EPHA6: variants seen among roughly 807,000 people sequenced by gnomAD.
EPHA6 encodes the protein EPH receptor A6.
A neutral mutation model predicts 112.0 loss-of-function variants in EPHA6; 50 were observed. The observed-to-expected ratio is 0.45, with a 90% CI of 0.36 to 0.56. The LOEUF (loss-of-function observed/expected upper bound fraction) is 0.56. Ranked by LOEUF, EPHA6 falls within the 20% of genes least tolerant of loss-of-function variation. EPHA6 has a pLI of 0.00. For synonymous variants in EPHA6, 529 were observed against 490.7 expected (o/e 1.08, Z -1.03); for missense variants, 1,280 against 1,417.4 (o/e 0.90, Z 1.56).
chr3:97,666,424 C>T (rs2030114511), intron 14 of EPHA6, among the ~76,000 whole-genome samples: 1 of 152,156 alleles, frequency 6.6e-6, no homozygotes, highest in Non-Finnish European at 1.5e-5. Flanking sequence ...CCTCTACAGG[C>T]TTGGTTTCTT....
At chr3:97,117,316 AT>A (rs1484419123) in intron 3 of EPHA6, among the ~76,000 whole-genome samples, 1 of 151,474 alleles carries the variant, frequency 6.6e-6, no homozygotes, top group Non-Finnish European at 1.5e-5. Flanking sequence ...AGTGTGTAAG[AT>A]TATTAGTATG....
At chr3:97,699,808 A>G (rs911430746) in intron 14 of EPHA6, among the ~76,000 whole-genome samples, 4 of 152,264 alleles carry the variant, frequency 2.6e-5, no homozygotes, top group Admixed American at 2.6e-4. Flanking sequence ...ACCATTTTCT[A>G]TAACACATGT....
At chr3:97,015,730 G>A (rs980187981) in intron 3 of EPHA6, among the ~76,000 whole-genome samples, 2 of 152,124 alleles carry the variant, frequency 1.3e-5, no homozygotes, top group African/African-American at 4.8e-5. Context: ...ACTGGAGAGC[G>A]TGATTCCACA....
At chr3:97,036,169 G>C (rs531019011) in intron 3 of EPHA6, among the ~76,000 whole-genome samples, 13 of 151,926 alleles carry the variant, frequency 8.6e-5, no homozygotes, top group Non-Finnish European at 1.9e-4. Flanking sequence ...CCCAGCCTAT[G>C]ATATTTTTAT....
chr3:97,277,399 C>T (rs539486097), intron 5 of EPHA6, among the ~76,000 whole-genome samples: 21 of 152,152 alleles, frequency 1.4e-4, no homozygotes, highest in South Asian at 4.1e-4. Flanking sequence ...AAAGGAATTT[C>T]GCAAGGTAAT....
chr3:97,151,258 C>T (rs1216493163), intron 3 of EPHA6, among the ~76,000 whole-genome samples: 1 of 152,052 alleles, frequency 6.6e-6, no homozygotes, highest in East Asian at 1.9e-4. Context: ...TGTAGTTTTT[C>T]CTTTTTAACT....
chr3:97,071,566 A>G (rs1045884481), intron 3 of EPHA6, among the ~76,000 whole-genome samples: 9 of 152,058 alleles, frequency 5.9e-5, no homozygotes, highest in African/African-American at 1.9e-4. Flanking sequence ...AACCCAGCAG[A>G]TCTTATGAGA....
chr3:96,901,535 A>T (rs2038613068), intron 2 of EPHA6, among the ~76,000 whole-genome samples: 1 of 152,130 alleles, frequency 6.6e-6, no homozygotes, highest in Non-Finnish European at 1.5e-5. Context: ...AAGGGACAGA[A>T]TTATTAAAAT....
At chr3:97,638,434 A>G (rs952621125) in intron 14 of EPHA6, among the ~76,000 whole-genome samples, 1 of 152,146 alleles carries the variant, frequency 6.6e-6, no homozygotes, top group Non-Finnish European at 1.5e-5. Context: ...TAAATGGTAG[A>G]ATTAATTACT....
intron 3 of EPHA6, among the ~76,000 whole-genome samples, chr3:97,188,431 A>G (rs1385486414): frequency 6.6e-6 from 1 of 152,074 alleles, no homozygotes; most frequent in African/African-American, 2.4e-5. Flanking sequence ...ATTGCAAAAG[A>G]TATAATAACA....
rs1431960409 is a variant in EPHA6 at position 97,299,669 on chromosome 3, A to T, written c.1606+55382A>T. 2.0e-5 allele frequency among the ~76,000 whole-genome samples: 3 copies of T among 152,290 alleles called. No individual in the cohort carries two copies. The East Asian group carries it at 5.8e-4, about 29-fold the overall frequency. Reference sequence around the variant, plus strand: ...CCATGATGTAGAATATATTTGTAAGATTTGATGATTTTGCTACAAAATTAT... The same window carrying T: ...CCATGATGTAGAATATATTTGTAAGTTTTGATGATTTTGCTACAAAATTAT... On this transcript the variant is annotated intron_variant, in intron 5 of 17. Transcript: ENST00000389672.
intron 13 of EPHA6, among the ~76,000 whole-genome samples, chr3:97,632,043 T>A (rs533018065): frequency 6.6e-6 from 1 of 152,104 alleles, no homozygotes; most frequent in South Asian, 2.1e-4. Flanking sequence ...AATATAAAAA[T>A]TTTGTAGTAG....
chr3:96,940,269 A>G (rs540008177), intron 2 of EPHA6, among the ~76,000 whole-genome samples: 1 of 151,804 alleles, frequency 6.6e-6, no homozygotes, highest in East Asian at 1.9e-4. Context: ...GACTTGCTTT[A>G]TGAATCTGGG....
At chr3:97,487,869 G>A (rs1203563219) in intron 10 of EPHA6, among the ~76,000 whole-genome samples, 1 of 152,164 alleles carries the variant, frequency 6.6e-6, no homozygotes, top group Non-Finnish European at 1.5e-5. Context: ...TGTGGACAGA[G>A]GACTGTAAAA....
chr3:97,142,600 C>A (rs1336754217), intron 3 of EPHA6, among the ~76,000 whole-genome samples: 1 of 151,782 alleles, frequency 6.6e-6, no homozygotes, highest in African/African-American at 2.4e-5. Flanking sequence ...ATACAACTTC[C>A]CAAGGTTGAA....
At chr3:97,070,796 G>T (rs2046326124) in intron 3 of EPHA6, among the ~76,000 whole-genome samples, 1 of 152,050 alleles carries the variant, frequency 6.6e-6, no homozygotes, top group Non-Finnish European at 1.5e-5. Context: ...TGAGGGAAGA[G>T]AAGATGATCA....
At chr3:97,587,240 C>CAA (rs1160922047) in intron 11 of EPHA6, among the ~76,000 whole-genome samples, 1 of 128,282 alleles carries the variant, frequency 7.8e-6, no homozygotes, top group Non-Finnish European at 1.7e-5. Context: ...GACTCCGTCT[C>CAA]AAAAAAAAAA....
chr3:97,328,054 C>CACATATATATATATAT (rs372533674), intron 5 of EPHA6, among the ~76,000 whole-genome samples: 2 of 120,874 alleles, frequency 1.7e-5, no homozygotes, highest in African/African-American at 7.7e-5. Flanking sequence ...CATATATACA[C>CACATATATATATATAT]ATATATATAT....
rs2036020738 is a variant in EPHA6 at position 97,756,169 on chromosome 3, G to T, written c.*7468G>T. ...CCAGTAATATAATTATTAAAGTCAT[G>T]AGGAAGTTTTTCTTTGACTGTGCAT... On this transcript the variant is annotated 3_prime_UTR_variant, in exon 18 of 18. Coordinates refer to ENST00000389672, the MANE Select transcript of EPHA6 (RefSeq NM_001080448.3). 6.6e-6 allele frequency among the ~76,000 whole-genome samples: 1 copy of T among 151,898 alleles called. No homozygotes were observed. The highest frequency in any genetic ancestry group is 2.4e-5 in the African/African-American group (1 of 41,410).
Sources: gnomAD v4.1 joint callset for allele counts (sites outside exome capture counted in the v4.1 genomes callset) on GRCh38, gnomAD v4.1.1 for gene constraint, MANE v1.5 for transcripts, NCBI Gene and HGNC (gene_info 2026-07-23, HGNC 2026-07-21) for gene names.